Variants in NR2F1-AS1 observed in about 807,000 individuals in gnomAD.
The protein encoded by NR2F1-AS1 is NR2F1 antisense RNA 1.
intron 4 of NR2F1-AS1, among the ~76,000 whole-genome samples, chr5:93,416,426 G>A (rs34052941): frequency 1.4e-3 from 213 of 152,056 alleles, no homozygotes; most frequent in Non-Finnish European, 2.5e-3. Context: ...TTCTCATATA[G>A]AACAGAGATT....
chr5:93,575,897 G>A (rs1752884041), intron 1 of NR2F1-AS1, among the ~76,000 whole-genome samples: 1 of 152,102 alleles, frequency 6.6e-6, no homozygotes, highest in Non-Finnish European at 1.5e-5. Flanking sequence ...CCCCATGTAT[G>A]GGAAATATTG....
chr5:93,452,902 C>A (rs1351610391), intron 4 of NR2F1-AS1, among the ~76,000 whole-genome samples: 2 of 151,844 alleles, frequency 1.3e-5, no homozygotes, highest in Non-Finnish European at 2.9e-5. Flanking sequence ...CAGTACGCAA[C>A]AACATAAAAT....
At chr5:93,418,738 T>C (rs1580207050) in intron 4 of NR2F1-AS1, among the ~76,000 whole-genome samples, 2 of 152,210 alleles carry the variant, frequency 1.3e-5, no homozygotes, top group East Asian at 3.8e-4. Context: ...CACAGTATTA[T>C]GTTAGGATTC....
chr5:93,499,221 T>A (rs1440174649), intron 4 of NR2F1-AS1, among the ~76,000 whole-genome samples: 1 of 152,198 alleles, frequency 6.6e-6, no homozygotes, highest in African/African-American at 2.4e-5. Context: ...TTCAGCCAAT[T>A]AACTACAGAA....
chr5:93,570,231 C>A (rs917041401), intron 1 of NR2F1-AS1: 1 of 152,176 alleles, frequency 6.6e-6, no homozygotes, highest in African/African-American at 2.4e-5. Flanking sequence ...CTTTTTGAAA[C>A]CCAGTTCCTC....
chr5:93,429,946 T>C (rs961289574), intron 4 of NR2F1-AS1, among the ~76,000 whole-genome samples: 2 of 152,226 alleles, frequency 1.3e-5, no homozygotes, highest in Admixed American at 1.3e-4. Context: ...AAGTACATAA[T>C]ATATACCTTC....
At chr5:93,528,366 G>C (rs942018241) in intron 4 of NR2F1-AS1, among the ~76,000 whole-genome samples, 1 of 152,206 alleles carries the variant, frequency 6.6e-6, no homozygotes, top group Non-Finnish European at 1.5e-5. Flanking sequence ...TCTCACACCA[G>C]TTAGAATGGC....
At chr5:93,419,856 G>A (rs529069189) in intron 4 of NR2F1-AS1, among the ~76,000 whole-genome samples, 16 of 152,236 alleles carry the variant, frequency 1.1e-4, no homozygotes, top group African/African-American at 3.9e-4. Flanking sequence ...GGTGGAGGAG[G>A]TAGCTTAGTC....
chr5:93,501,625 A>G (rs1382519206), intron 4 of NR2F1-AS1, among the ~76,000 whole-genome samples: 2 of 152,164 alleles, frequency 1.3e-5, no homozygotes, highest in Non-Finnish European at 2.9e-5. Flanking sequence ...AAGTGCTGAG[A>G]TTACAGGTAT....
At chr5:93,573,802 C>T (rs542366226) in intron 1 of NR2F1-AS1, among the ~76,000 whole-genome samples, 7 of 152,322 alleles carry the variant, frequency 4.6e-5, no homozygotes, top group East Asian at 1.9e-4. Context: ...TCCTGAAAGA[C>T]AGCCATCTAT....
chr5:93,441,359 T>C (rs1749564240), intron 4 of NR2F1-AS1, among the ~76,000 whole-genome samples: 1 of 152,220 alleles, frequency 6.6e-6, no homozygotes, highest in Non-Finnish European at 1.5e-5. Flanking sequence ...TTCCAATACC[T>C]TACCTAGAGT....
At chr5:93,570,773 G>C (rs1752739825) in intron 1 of NR2F1-AS1, 1 of 152,260 alleles carries the variant, frequency 6.6e-6, no homozygotes. Flanking sequence ...CCTCCGCCGC[G>C]CGGGGGACCG....
At chr5:93,433,625 G>C (rs1466381998) in intron 4 of NR2F1-AS1, among the ~76,000 whole-genome samples, 1 of 152,156 alleles carries the variant, frequency 6.6e-6, no homozygotes, top group African/African-American at 2.4e-5. Flanking sequence ...TGACTGTATA[G>C]AGATGGTACT....
intron 4 of NR2F1-AS1, among the ~76,000 whole-genome samples, chr5:93,535,184 C>A (rs1751814886): frequency 6.6e-6 from 1 of 151,068 alleles, no homozygotes; most frequent in Admixed American, 6.6e-5. Context: ...AAAGGTCGTA[C>A]CTTTGCTCAT....
At chr5:93,445,587 C>G (rs1749683091) in intron 4 of NR2F1-AS1, among the ~76,000 whole-genome samples, 6 of 151,962 alleles carry the variant, frequency 3.9e-5, no homozygotes, top group Admixed American at 3.9e-4. Flanking sequence ...AAATCCAAGA[C>G]CAGACAGATT....
At chr5:93,411,795 G>T (rs895372402) in intron 4 of NR2F1-AS1, among the ~76,000 whole-genome samples, 2 of 152,130 alleles carry the variant, frequency 1.3e-5, no homozygotes, top group African/African-American at 4.8e-5. Flanking sequence ...TAAGGATTCT[G>T]CATTTTCATT....
chr5:93,463,546 T>C (rs1392053888), intron 4 of NR2F1-AS1, among the ~76,000 whole-genome samples: 3 of 151,770 alleles, frequency 2.0e-5, no homozygotes, highest in African/African-American at 7.3e-5. Flanking sequence ...GGCCCCAGAG[T>C]GGTAGATCCA....
At chr5:93,413,201 T>C (rs1217757583) in intron 4 of NR2F1-AS1, among the ~76,000 whole-genome samples, 2 of 148,424 alleles carry the variant, frequency 1.3e-5, no homozygotes, top group African/African-American at 2.5e-5. Context: ...TATATATGTA[T>C]ATATATGTAT....
At chr5:93,510,760 A>C (rs978731215) in intron 4 of NR2F1-AS1, among the ~76,000 whole-genome samples, 2 of 152,196 alleles carry the variant, frequency 1.3e-5, no homozygotes, top group Non-Finnish European at 2.9e-5. Flanking sequence ...GTTATCATGC[A>C]GCCAAAGAAT....
Sources: gnomAD v4.1 joint callset for allele counts (sites outside exome capture counted in the v4.1 genomes callset) on GRCh38, gnomAD v4.1.1 for gene constraint, MANE v1.5 for transcripts, NCBI Gene and HGNC (gene_info 2026-07-23, HGNC 2026-07-21) for gene names.